Variants in KIAA1217 observed in about 807,000 individuals in gnomAD.
KIAA1217 encodes the protein sickle tail protein homolog.
KIAA1217 carries 88 observed loss-of-function variants against 163.9 expected under a neutral mutation model. That is an observed-to-expected ratio of 0.54 (90% CI 0.45 to 0.64). The LOEUF (loss-of-function observed/expected upper bound fraction) is 0.64, where lower values mean the gene tolerates loss of function less well. Ranked by LOEUF, KIAA1217 falls within the 30% of genes least tolerant of loss-of-function variation. The pLI, the probability that KIAA1217 is intolerant of heterozygous loss-of-function variation, is 0.00. For synonymous variants in KIAA1217, 903 were observed against 923.1 expected (o/e 0.98, Z 0.39); for missense variants, 2,372 against 2,475.0 (o/e 0.96, Z 0.88).
intron 1 of KIAA1217, among the ~76,000 whole-genome samples, chr10:23,998,952 A>G (rs1298254006): frequency 6.8e-6 from 1 of 146,868 alleles, no homozygotes; most frequent in Non-Finnish European, 1.5e-5. Flanking sequence ...GTTACAGCAC[A>G]ACAGATGGTA....
intron 2 of KIAA1217, among the ~76,000 whole-genome samples, chr10:24,142,409 C>A (rs1193483552): frequency 6.6e-6 from 1 of 152,216 alleles, no homozygotes; most frequent in East Asian, 1.9e-4. Flanking sequence ...AGTGCCAAGG[C>A]AGTGTCTTGG....
intron 1 of KIAA1217, among the ~76,000 whole-genome samples, chr10:23,818,032 T>A (rs12259723): frequency 7.8e-6 from 1 of 128,602 alleles, no homozygotes; most frequent in Non-Finnish European, 1.6e-5. Context: ...TACACACATA[T>A]ATATACATAT....
chr10:24,285,642 T>C (rs1231406451), intron 2 of KIAA1217, among the ~76,000 whole-genome samples: 1 of 152,166 alleles, frequency 6.6e-6, no homozygotes, highest in Non-Finnish European at 1.5e-5. Context: ...AGTCAGGTAA[T>C]ATGTTTGTTC....
chr10:23,841,226 G>A (rs915176005), intron 1 of KIAA1217, among the ~76,000 whole-genome samples: 3 of 152,114 alleles, frequency 2.0e-5, no homozygotes, highest in African/African-American at 7.2e-5. Flanking sequence ...TAGGTTGTGT[G>A]TAAACCTGAA....
At chr10:24,088,618 C>T (rs1449893258) in intron 2 of KIAA1217, among the ~76,000 whole-genome samples, 1 of 122,784 alleles carries the variant, frequency 8.1e-6, no homozygotes, top group Non-Finnish European at 2.0e-5. Context: ...CTACAAAGGA[C>T]ATGAACTTAT....
chr10:24,180,605 C>T (rs951129111), intron 2 of KIAA1217, among the ~76,000 whole-genome samples: 4 of 152,130 alleles, frequency 2.6e-5, no homozygotes, highest in Non-Finnish European at 5.9e-5. Context: ...CCTTACCCAT[C>T]CTTCAACTCA....
intron 2 of KIAA1217, among the ~76,000 whole-genome samples, chr10:24,284,820 C>T (rs2078371729): frequency 6.6e-6 from 1 of 152,186 alleles, no homozygotes; most frequent in East Asian, 1.9e-4. Flanking sequence ...CTCCAAACTG[C>T]TTTCCACAGG....
chr10:23,915,401 G>A (rs1842595963), intron 1 of KIAA1217, among the ~76,000 whole-genome samples: 1 of 152,096 alleles, frequency 6.6e-6, no homozygotes, highest in Non-Finnish European at 1.5e-5. Flanking sequence ...TTTTGTTATT[G>A]TTATTGTTTT....
intron 2 of KIAA1217, among the ~76,000 whole-genome samples, chr10:24,014,854 T>C (rs1303880394): frequency 1.3e-5 from 2 of 152,152 alleles, no homozygotes; most frequent in East Asian, 1.9e-4. Flanking sequence ...CCACATTGAA[T>C]TGCTGTTAAA....
At chr10:24,305,146 C>T (rs563526062) in intron 2 of KIAA1217, among the ~76,000 whole-genome samples, 20 of 152,182 alleles carry the variant, frequency 1.3e-4, no homozygotes, top group African/African-American at 4.6e-4. Flanking sequence ...AAATTAAATA[C>T]GAAAGCAGAA....
chr10:24,296,494 G>C (rs2040628976), intron 2 of KIAA1217, among the ~76,000 whole-genome samples: 1 of 152,158 alleles, frequency 6.6e-6, no homozygotes, highest in Non-Finnish European at 1.5e-5. Context: ...ACAGAACCTT[G>C]TATAAAGCAG....
rs555311110 is a variant in KIAA1217 at position 23,761,998 on chromosome 10, A to G, written c.-321+66764A>G. 1.3e-3 allele frequency among the ~76,000 whole-genome samples: 196 copies of G among 152,314 alleles called. 4 individuals carry two copies. Among genetic ancestry groups the G allele is most frequent in the African/African-American group, 4.4e-3 (181 of 41,566 alleles). Reference sequence around the variant, plus strand: ...CACCTCTATACAAATAAACTAGAACATCTAGAAGAAATGGATAAATTCCTG... The same window carrying G: ...CACCTCTATACAAATAAACTAGAACGTCTAGAAGAAATGGATAAATTCCTG... On this transcript the variant is annotated intron_variant, in intron 1 of 18. Transcript: ENST00000376462.
At chr10:23,735,055 T>A (rs1295610352) in intron 1 of KIAA1217, among the ~76,000 whole-genome samples, 3 of 152,064 alleles carry the variant, frequency 2.0e-5, no homozygotes, top group East Asian at 1.9e-4. Context: ...CATTTGAGTT[T>A]AAAAAAAATC....
chr10:23,887,549 A>G (rs757685806), intron 1 of KIAA1217, among the ~76,000 whole-genome samples: 3 of 151,864 alleles, frequency 2.0e-5, no homozygotes, highest in Non-Finnish European at 4.4e-5. Context: ...GTGAACACAC[A>G]CCAGCCTTGA....
intron 2 of KIAA1217, among the ~76,000 whole-genome samples, chr10:24,135,833 A>C (rs187405837): frequency 6.6e-6 from 1 of 152,280 alleles, no homozygotes; most frequent in Non-Finnish European, 1.5e-5. Context: ...TCACTTATTT[A>C]GAGGCTGCAA....
intron 5 of KIAA1217, among the ~76,000 whole-genome samples, chr10:24,470,168 C>G (rs2063349190): frequency 6.6e-6 from 1 of 152,158 alleles, no homozygotes; most frequent in South Asian, 2.1e-4. Context: ...ACCTGTGAAG[C>G]CCTGTGCTGC....
intron 1 of KIAA1217, among the ~76,000 whole-genome samples, chr10:23,921,557 G>A (rs968932290): frequency 6.6e-6 from 1 of 152,110 alleles, no homozygotes; most frequent in Non-Finnish European, 1.5e-5. Flanking sequence ...GCTTTGCCAG[G>A]GAAATGAGAA....
At chr10:23,999,747 A>G (rs964583441) in intron 1 of KIAA1217, among the ~76,000 whole-genome samples, 3 of 152,172 alleles carry the variant, frequency 2.0e-5, no homozygotes, top group Non-Finnish European at 2.9e-5. Flanking sequence ...TGACTAATAA[A>G]AATATCATGT....
At chr10:23,855,679 A>G (rs756219864) in intron 1 of KIAA1217, among the ~76,000 whole-genome samples, 17 of 152,274 alleles carry the variant, frequency 1.1e-4, no homozygotes, top group Non-Finnish European at 2.2e-4. Flanking sequence ...CTTTTCATGT[A>G]GTCCCATATT....
Sources: allele counts gnomAD v4.1 joint callset (sites outside exome capture counted in the v4.1 genomes callset), GRCh38; gene constraint gnomAD v4.1.1; transcripts MANE v1.5; gene names NCBI Gene and HGNC (gene_info 2026-07-23, HGNC 2026-07-21).